MYO1D: variants seen among roughly 807,000 people sequenced by gnomAD.
MYO1D encodes unconventional myosin-Id.
A neutral mutation model predicts 122.0 loss-of-function variants in MYO1D; 83 were observed. The observed-to-expected ratio is 0.68, with a 90% CI of 0.57 to 0.82. The LOEUF is 0.82. Ranked by LOEUF, MYO1D falls within the 40% of genes least tolerant of loss-of-function variation. The probability of loss-of-function intolerance (pLI) is 0.00; values close to 1 mark genes in which losing one functional copy is unlikely to be tolerated. For synonymous variants in MYO1D, 464 were observed against 446.9 expected (o/e 1.04, Z -0.48); for missense variants, 1,157 against 1,269.5 (o/e 0.91, Z 1.35).
At chr17:32,619,519 T>C (rs1045246468) in intron 20 of MYO1D, among the ~76,000 whole-genome samples, 1 of 152,214 alleles carries the variant, frequency 6.6e-6, no homozygotes, top group Non-Finnish European at 1.5e-5. Context: ...CAACCATGGC[T>C]ATGTATGAGA....
intron 21 of MYO1D, among the ~76,000 whole-genome samples, chr17:32,585,486 T>C (rs945101360): frequency 2.0e-5 from 3 of 152,262 alleles, no homozygotes; most frequent in Non-Finnish European, 2.9e-5. Flanking sequence ...TCCGAGCACT[T>C]TGACAGGCCG....
chr17:32,612,774 A>G (rs2087719548), intron 20 of MYO1D, among the ~76,000 whole-genome samples: 2 of 151,310 alleles, frequency 1.3e-5, no homozygotes, highest in African/African-American at 4.9e-5. Context: ...AATGAAATGC[A>G]TATTTTTTTT....
intron 1 of MYO1D, among the ~76,000 whole-genome samples, chr17:32,822,955 C>T (rs909136399): frequency 1.3e-5 from 2 of 152,136 alleles, no homozygotes; most frequent in Non-Finnish European, 1.5e-5. Flanking sequence ...ACGTTGTGCA[C>T]ATGTACCCTA....
chr17:32,584,940 T>C (rs1041248684), intron 21 of MYO1D, among the ~76,000 whole-genome samples: 3 of 152,258 alleles, frequency 2.0e-5, no homozygotes, highest in South Asian at 2.1e-4. Flanking sequence ...CCACATTGTC[T>C]GTTTCCTGTC....
intron 21 of MYO1D, among the ~76,000 whole-genome samples, chr17:32,549,534 A>C (rs1454005780): frequency 6.6e-6 from 1 of 152,220 alleles, no homozygotes; most frequent in Non-Finnish European, 1.5e-5. Flanking sequence ...TGTTTTCCGT[A>C]GTGTTAATGT....
intron 21 of MYO1D, among the ~76,000 whole-genome samples, chr17:32,545,626 A>G (rs1474745661): frequency 2.0e-5 from 3 of 152,188 alleles, no homozygotes; most frequent in African/African-American, 7.2e-5. Flanking sequence ...TACCAGCCAT[A>G]TGGTAGACTT....
intron 21 of MYO1D, among the ~76,000 whole-genome samples, chr17:32,555,278 A>G (rs2087058411): frequency 6.6e-6 from 1 of 151,994 alleles, no homozygotes; most frequent in African/African-American, 2.4e-5. Flanking sequence ...GTGCTGGAAA[A>G]GAACAGTGAC....
chr17:32,758,901 T>C (rs1465202193), intron 10 of MYO1D, among the ~76,000 whole-genome samples: 1 of 152,124 alleles, frequency 6.6e-6, no homozygotes, highest in African/African-American at 2.4e-5. Flanking sequence ...TTCTTAATTC[T>C]TTTTGAGATG....
At chr17:32,758,678 T>A (rs1455321977) in intron 10 of MYO1D, among the ~76,000 whole-genome samples, 1 of 152,146 alleles carries the variant, frequency 6.6e-6, no homozygotes, top group African/African-American at 2.4e-5. Context: ...CTATAGTCTG[T>A]CTTCTTAATG....
intron 20 of MYO1D, among the ~76,000 whole-genome samples, chr17:32,612,548 T>C (rs1439487707): frequency 6.6e-6 from 1 of 151,388 alleles, no homozygotes; most frequent in Non-Finnish European, 1.5e-5. Flanking sequence ...GAGCTGGATG[T>C]GGTGGTGCGT....
intron 20 of MYO1D, among the ~76,000 whole-genome samples, chr17:32,615,402 GTGA>G (rs1331076068): frequency 3.3e-5 from 5 of 152,328 alleles, no homozygotes; most frequent in Admixed American, 6.5e-5. Context: ...CGTAACAAAT[GTGA>G]TGATCTAGAT....
At chr17:32,821,300 A>C (rs942062955) in intron 1 of MYO1D, among the ~76,000 whole-genome samples, 1 of 152,172 alleles carries the variant, frequency 6.6e-6, no homozygotes, top group African/African-American at 2.4e-5. Context: ...GGTGGTGGGC[A>C]GGAATAATTA....
At chr17:32,592,899 T>C (rs1342505698) in intron 21 of MYO1D, among the ~76,000 whole-genome samples, 1 of 152,254 alleles carries the variant, frequency 6.6e-6, no homozygotes, top group Non-Finnish European at 1.5e-5. Context: ...TTTGTTTTTC[T>C]TGCCCAGTAC....
rs1310737400 is a variant in MYO1D, at chr17:32,657,520, C to A, written c.2345+1595G>T. On this transcript the variant is annotated intron_variant, in intron 17 of 21. Transcript: ENST00000318217. The stretch of plus-strand genomic sequence containing the variant: ...GCTCTTTCAGAAAAAGTTTGCAGAA[C>A]CCTGGACTAGATGGACACAACTGGC... Among the ~76,000 whole-genome samples the A allele has an allele frequency of 2.0e-5, 3 of 152,342 alleles. No individual in the cohort carries two copies. The East Asian group carries it at 5.8e-4, about 29-fold the overall frequency.
chr17:32,867,264 T>C (rs1256068354), intron 1 of MYO1D, among the ~76,000 whole-genome samples: 1 of 148,876 alleles, frequency 6.7e-6, no homozygotes, highest in African/African-American at 2.5e-5. Context: ...AGGCGGAAGT[T>C]GCAGTCAGCT....
At chr17:32,662,901 T>C (rs2088587239) in intron 16 of MYO1D, among the ~76,000 whole-genome samples, 1 of 149,196 alleles carries the variant, frequency 6.7e-6, no homozygotes, top group African/African-American at 2.5e-5. Flanking sequence ...CTTTAGTGGG[T>C]CGTGCTACTT....
In MYO1D at chr17:32,780,597, CTT is replaced by C; in HGVS notation, c.281_282del (p.Lys94ArgfsTer14). Reference protein sequence around the residue: ...AAYKAMKRRSKDTCIVISGES... With the variant: ...AAYKAMKRRSXDTCIVISGES... Reference sequence around the variant, plus strand: ...TTACCTGATATCACAATACAAGTGTCTTTTGATCGCCTCTTCATAGCCTTGTA... The same window carrying C: ...TTACCTGATATCACAATACAAGTGTCTTGATCGCCTCTTCATAGCCTTGTA... On this transcript the variant is annotated frameshift_variant, in exon 2 of 22. Coordinates refer to ENST00000318217, the MANE Select transcript of MYO1D (RefSeq NM_015194.3). LOFTEE classifies it high-confidence loss of function. 2 of 1,614,080 alleles carry C rather than the reference CTT, an allele frequency of 1.2e-6. No individual in the cohort carries two copies. The highest frequency in any genetic ancestry group is 1.7e-6 in the Non-Finnish European group (2 of 1,180,018).
At position 32,780,760 on chromosome 17, in the gene MYO1D, C is replaced by T. The variant is rs781163176; in HGVS notation, c.120G>A (p.Thr40=). 30 of 1,614,012 alleles carry T rather than the reference C, an allele frequency of 1.9e-5. No homozygotes were observed. Among genetic ancestry groups the T allele is most frequent in the East Asian group, 6.7e-5 (3 of 44,902 alleles). Residue 40 remains threonine, a synonymous_variant, in exon 2 of 22, where the codon ACG becomes ACA. Transcript: ENST00000318217. Reference sequence around the variant, plus strand: ...CAGAAACGACGACTTCTCCAATGAACGTATAGATGCGCCCTTTTTCAAATC... The same window carrying T: ...CAGAAACGACGACTTCTCCAATGAATGTATAGATGCGCCCTTTTTCAAATC... ...RLRFEKGRIY[T]FIGEVVVSVN...
chr17:32,775,782 CAATAA>C lies in MYO1D; in HGVS notation c.564+77_564+81del, dbSNP rs924805987. Reference sequence around the variant, plus strand: ...AATAGGATTTAAAGCTATTTTGAGTCAATAAAATAAATTCTATAAATATAATTTGT... The same window carrying C: ...AATAGGATTTAAAGCTATTTTGAGTCAATAAATTCTATAAATATAATTTGT... On this transcript the variant is annotated intron_variant, in intron 4 of 21. Coordinates refer to ENST00000318217, the MANE Select transcript of MYO1D (RefSeq NM_015194.3). 1.2e-4 allele frequency: 145 copies of C among 1,185,280 alleles called. 2 individuals are homozygous for C. The African/African-American group carries it at 2.2e-3, about 18-fold the overall frequency. 73.4% of individuals were successfully genotyped at this position (1,185,280 alleles called of 1,614,324 possible). A position where few individuals can be genotyped will look rare whatever the true frequency, so the allele number is the denominator to read the frequency against.
Sources: allele counts gnomAD v4.1 joint callset (sites outside exome capture counted in the v4.1 genomes callset), GRCh38; gene constraint gnomAD v4.1.1; transcripts MANE v1.5; gene names NCBI Gene and HGNC (gene_info 2026-07-23, HGNC 2026-07-21).